The following ANKS1B variants were observed in gnomAD, a reference collection of about 807,000 sequenced individuals.
ANKS1B encodes the protein ankyrin repeat and sterile alpha motif domain containing 1B, also known as ankyrin repeat and sterile alpha motif domain-containing protein 1B.
A neutral mutation model predicts 148.3 loss-of-function variants in ANKS1B; 36 were observed. That is an observed-to-expected ratio of 0.24 (90% CI 0.19 to 0.32). The LOEUF is 0.32. Among genes scored for constraint, ANKS1B ranks in the 10% least tolerant of loss-of-function variants. The pLI, the probability that ANKS1B is intolerant of heterozygous loss-of-function variation, is 1.00. For synonymous variants in ANKS1B, 542 were observed against 560.8 expected, an observed-to-expected ratio of 0.97 and a Z score of 0.47; for missense variants, 1,157 against 1,542.6, an observed-to-expected ratio of 0.75 and a Z score of 4.19.
At chr12:99,584,799 A>G (rs1039665434) in intron 9 of ANKS1B, among the ~76,000 whole-genome samples, 1 of 152,072 alleles carries the variant, frequency 6.6e-6, no homozygotes, top group Non-Finnish European at 1.5e-5. Flanking sequence ...CCTTTATAAA[A>G]CCAACAGATC....
intron 9 of ANKS1B, among the ~76,000 whole-genome samples, chr12:99,532,943 T>C (rs185733712): frequency 3.9e-5 from 6 of 152,318 alleles, no homozygotes; most frequent in Admixed American, 2.6e-4. Context: ...TAGTATAACA[T>C]GAAGTCAGGT....
intron 11 of ANKS1B, among the ~76,000 whole-genome samples, chr12:99,440,800 T>C (rs1206052376): frequency 1.3e-5 from 2 of 151,792 alleles, no homozygotes; most frequent in African/African-American, 2.4e-5. Flanking sequence ...CATTTACAGG[T>C]AGAGTTACAA....
intron 9 of ANKS1B, among the ~76,000 whole-genome samples, chr12:99,574,916 C>T (rs943153643): frequency 6.6e-6 from 1 of 151,960 alleles, no homozygotes; most frequent in African/African-American, 2.4e-5. Context: ...GAGGTTCTAG[C>T]CAGTACAGTG....
At chr12:99,489,799 C>T (rs75339203) in intron 10 of ANKS1B, among the ~76,000 whole-genome samples, 5,667 of 152,174 alleles carry the variant, frequency 0.037, 149 homozygotes, top group South Asian at 0.084. Context: ...TTTTTATTGC[C>T]TTTATGCACA....
At chr12:99,658,571 G>A (rs139710823) in intron 8 of ANKS1B, among the ~76,000 whole-genome samples, 161 of 152,044 alleles carry the variant, frequency 1.1e-3, no homozygotes, top group African/African-American at 3.5e-3. Flanking sequence ...TGCTATAGTG[G>A]CAAAGAGCAT....
intron 9 of ANKS1B, among the ~76,000 whole-genome samples, chr12:99,524,927 G>A (rs10860456): frequency 0.23 from 35,539 of 152,010 alleles, 5,052 homozygotes; most frequent in African/African-American, 0.41. Flanking sequence ...AGATTTGGGT[G>A]GGGACACAGC....
At chr12:98,992,816 GCT>G (rs1374928547) in intron 17 of ANKS1B, among the ~76,000 whole-genome samples, 1 of 152,090 alleles carries the variant, frequency 6.6e-6, no homozygotes, top group African/African-American at 2.4e-5. Flanking sequence ...TTATCTACTT[GCT>G]AACCTGCTTA....
At position 99,930,636 on chromosome 12, in the gene ANKS1B, C is replaced by A. The variant is rs545288109; in HGVS notation, c.134+53468G>T. 2.0e-5 allele frequency among the ~76,000 whole-genome samples: 3 copies of A among 152,262 alleles called. No individual in the cohort carries two copies. The South Asian group carries it at 6.2e-4, about 32-fold the overall frequency. ...ATCAGAGAAATGCAAATCAAAACCACAATGAGATACCATCTCACACCAGTT... is the reference window on the plus strand; with the variant it reads ...ATCAGAGAAATGCAAATCAAAACCAAAATGAGATACCATCTCACACCAGTT... On this transcript the variant is annotated intron_variant, in intron 1 of 26. Coordinates refer to ENST00000683438, the MANE Select transcript of ANKS1B (RefSeq NM_001352186.2).
chr12:99,363,567 TGAAGCTTAAGCTTCAG>T (rs1566961057), intron 12 of ANKS1B, among the ~76,000 whole-genome samples: 1 of 152,158 alleles, frequency 6.6e-6, no homozygotes, highest in Non-Finnish European at 1.5e-5. Flanking sequence ...ACACAGGTCA[TGAAGCTTAAGCTTCAG>T]GACCCTTGAT....
At chr12:99,902,839 C>T (rs189040398) in intron 1 of ANKS1B, among the ~76,000 whole-genome samples, 45 of 151,994 alleles carry the variant, frequency 3.0e-4, no homozygotes, top group African/African-American at 1.0e-3. Flanking sequence ...CAACCTCCAC[C>T]TCCTGGGTTA....
At chr12:99,556,025 T>C (rs1234650472) in intron 9 of ANKS1B, among the ~76,000 whole-genome samples, 2 of 152,228 alleles carry the variant, frequency 1.3e-5, no homozygotes, top group Non-Finnish European at 2.9e-5. Flanking sequence ...CTCTTCCTTA[T>C]ACAGCTGATA....
At chr12:99,477,288 CATT>C (rs1332894401) in intron 10 of ANKS1B, among the ~76,000 whole-genome samples, 1 of 152,136 alleles carries the variant, frequency 6.6e-6, no homozygotes, top group African/African-American at 2.4e-5. Flanking sequence ...TGCAGGCTAA[CATT>C]GTTGGTGGCA....
chr12:98,934,904 T>G (rs1597198815), intron 17 of ANKS1B, among the ~76,000 whole-genome samples: 1 of 152,138 alleles, frequency 6.6e-6, no homozygotes, highest in Non-Finnish European at 1.5e-5. Flanking sequence ...TTCAAATATA[T>G]AAGATCATGT....
chr12:99,436,622 C>T (rs901178598), intron 11 of ANKS1B, among the ~76,000 whole-genome samples: 2 of 151,948 alleles, frequency 1.3e-5, no homozygotes, highest in African/African-American at 4.8e-5. Context: ...CTGGATTTGG[C>T]AAGAATTTTT....
chr12:99,378,848 C>T (rs1249247110), intron 12 of ANKS1B, among the ~76,000 whole-genome samples: 1 of 152,132 alleles, frequency 6.6e-6, no homozygotes, highest in Non-Finnish European at 1.5e-5. Flanking sequence ...AGCCAAAAGT[C>T]GTGGCCAACT....
chr12:99,817,346 C>A (rs1366088507), intron 2 of ANKS1B, among the ~76,000 whole-genome samples: 2 of 151,744 alleles, frequency 1.3e-5, no homozygotes, highest in East Asian at 3.9e-4. Flanking sequence ...GACAGGATTT[C>A]ATTCTTTTTT....
intron 1 of ANKS1B, among the ~76,000 whole-genome samples, chr12:99,928,705 T>C (rs61647573): frequency 9.9e-5 from 15 of 152,284 alleles, no homozygotes; most frequent in African/African-American, 3.6e-4. Flanking sequence ...AAGCAGAAAG[T>C]AAGAGAGAAT....
intron 17 of ANKS1B, among the ~76,000 whole-genome samples, chr12:98,989,937 G>A (rs554314309): frequency 2.7e-5 from 4 of 146,722 alleles, no homozygotes; most frequent in East Asian, 3.9e-4. Context: ...GAAAGAAAGA[G>A]AAAGAAGGAA....
At chr12:99,348,042 T>C (rs1566936876) in intron 12 of ANKS1B, among the ~76,000 whole-genome samples, 1 of 151,908 alleles carries the variant, frequency 6.6e-6, no homozygotes, top group Non-Finnish European at 1.5e-5. Context: ...ACAAGTATAA[T>C]ACTGAAATAA....
Sources: allele counts gnomAD v4.1 joint callset (sites outside exome capture counted in the v4.1 genomes callset), GRCh38; gene constraint gnomAD v4.1.1; transcripts MANE v1.5; gene names NCBI Gene and HGNC (gene_info 2026-07-23, HGNC 2026-07-21).